Variants in METTL15 observed in about 807,000 individuals in gnomAD.
METTL15 encodes methyltransferase 15, mitochondrial 12S rRNA N4-cytidine, also known as 12S rRNA N(4)-cytidine methyltransferase METTL15.
In METTL15, 34 loss-of-function variants were observed where a neutral mutation model predicts 38.3. The ratio of observed to expected loss-of-function variants is 0.89; its 90% CI spans 0.68 to 1.18. The LOEUF (loss-of-function observed/expected upper bound fraction) is 1.18, where lower values mean the gene tolerates loss of function less well. Ranked by LOEUF, METTL15 falls within the 50% of genes most tolerant of loss-of-function variation. The pLI is 0.00. For synonymous variants in METTL15, 162 were observed against 170.9 expected (o/e 0.95, Z 0.41); for missense variants, 438 against 498.4 (o/e 0.88, Z 1.15).
At chr11:28,175,648 A>G (rs1454986132) in intron 3 of METTL15, among the ~76,000 whole-genome samples, 3 of 152,172 alleles carry the variant, frequency 2.0e-5, no homozygotes, top group Non-Finnish European at 4.4e-5. Context: ...TGGTATGAGC[A>G]CATAATTTGC....
At chr11:28,498,910 C>T (rs1410858978) in intron 6 of METTL15, among the ~76,000 whole-genome samples, 2 of 152,062 alleles carry the variant, frequency 1.3e-5, no homozygotes, top group African/African-American at 2.4e-5. Context: ...GCTTTTGTAT[C>T]CCAGATTATA....
chr11:28,224,998 G>T (rs1565182517), intron 4 of METTL15, among the ~76,000 whole-genome samples: 1 of 151,042 alleles, frequency 6.6e-6, no homozygotes, highest in African/African-American at 2.4e-5. Flanking sequence ...ACTGACTTTA[G>T]TATTTTTTAA....
intron 3 of METTL15, among the ~76,000 whole-genome samples, chr11:28,194,587 G>A (rs957750167): frequency 1.3e-5 from 2 of 151,840 alleles, no homozygotes; most frequent in African/African-American, 4.8e-5. Context: ...TAACTTCATA[G>A]AAGACAAATA....
At chr11:28,327,912 G>C in intron 6 of METTL15, 1 of 475,676 alleles carries the variant, frequency 2.1e-6, no homozygotes, top group Non-Finnish European at 3.6e-6. Context: ...GCATTAAAAT[G>C]TCAATAAAGT....
intron 6 of METTL15, among the ~76,000 whole-genome samples, chr11:28,498,186 G>C (rs1851552035): frequency 1.3e-5 from 2 of 152,008 alleles, no homozygotes; most frequent in African/African-American, 4.8e-5. Flanking sequence ...ATGAATTCCG[G>C]GGGCATTTCA....
chr11:28,328,030 T>A, intron 6 of METTL15: 1 of 1,521,290 alleles, frequency 6.6e-7, no homozygotes, highest in Non-Finnish European at 9.0e-7. Context: ...TCTTATTGAT[T>A]TATGTGCTCC....
chr11:28,380,941 C>T (rs952403025), intron 5 of METTL15, among the ~76,000 whole-genome samples: 1 of 151,876 alleles, frequency 6.6e-6, no homozygotes, highest in Non-Finnish European at 1.5e-5. Context: ...TGGATTCCAT[C>T]ATATCTCATT....
chr11:28,281,446 T>A (rs1378525238), intron 4 of METTL15, among the ~76,000 whole-genome samples: 2 of 152,198 alleles, frequency 1.3e-5, no homozygotes, highest in Admixed American at 1.3e-4. Flanking sequence ...GTGGAATACC[T>A]GCTCCAATGT....
chr11:28,329,908 A>G (rs1480262729), intron 6 of METTL15, among the ~76,000 whole-genome samples: 1 of 152,142 alleles, frequency 6.6e-6, no homozygotes, highest in Non-Finnish European at 1.5e-5. Flanking sequence ...TCTGGCCTCC[A>G]GTGTGCTCAT....
intron 5 of METTL15, among the ~76,000 whole-genome samples, chr11:28,377,021 A>C (rs1418173721): frequency 7.8e-6 from 1 of 128,600 alleles, no homozygotes; most frequent in African/African-American, 2.7e-5. Context: ...GTTTCTGCCG[A>C]GAGATCCGCT....
intron 4 of METTL15, among the ~76,000 whole-genome samples, chr11:28,359,309 A>T (rs1049595550): frequency 2.0e-5 from 3 of 152,184 alleles, no homozygotes; most frequent in Non-Finnish European, 4.4e-5. Context: ...TGTATGTACC[A>T]TGTTTTCTTT....
intron 6 of METTL15, among the ~76,000 whole-genome samples, chr11:28,307,553 A>G (rs1857124797): frequency 6.6e-6 from 1 of 151,998 alleles, no homozygotes; most frequent in Non-Finnish European, 1.5e-5. Context: ...AGAAAATGTA[A>G]TAATTGTCTT....
chr11:28,429,547 C>G (rs1173889603), intron 6 of METTL15, among the ~76,000 whole-genome samples: 46 of 103,602 alleles, frequency 4.4e-4, no homozygotes, highest in African/African-American at 1.7e-3. Flanking sequence ...TTGGTGGAGA[C>G]GGGGTTTCGC....
rs146603270 is a variant in METTL15, at chr11:28,276,392, G to A, written c.408-13814G>A. Among the ~76,000 whole-genome samples, 40 of 151,968 alleles carry A rather than the reference G, an allele frequency of 2.6e-4. No individual in the cohort carries two copies. The East Asian group carries it at 6.4e-3, about 24-fold the overall frequency. Reference sequence around the variant, plus strand: ...TTAGGAATAAATTTAACCAAGGAGCGGAAAGATCTCTATAAGAAAAACTAC... The same window carrying A: ...TTAGGAATAAATTTAACCAAGGAGCAGAAAGATCTCTATAAGAAAAACTAC... On this transcript the variant is annotated intron_variant, in intron 4 of 6. Coordinates refer to ENST00000407364, the MANE Select transcript of METTL15 (RefSeq NM_001113528.2).
chr11:28,287,483 C>T lies in METTL15; in HGVS notation c.408-2723C>T, dbSNP rs182355671. 4.2e-4 allele frequency: 169 copies of T among 399,468 alleles called. 1 individual carries two copies. Among genetic ancestry groups the T allele is most frequent in the African/African-American group, 2.2e-3 (103 of 46,838 alleles). The allele number at this position is 399,468 out of a possible 1,614,324, so 24.7% of individuals were successfully genotyped here. On this transcript the variant is annotated intron_variant, in intron 4 of 6. Coordinates refer to ENST00000407364, the MANE Select transcript of METTL15 (RefSeq NM_001113528.2). ...ATGTGATCATCAGTGATTTCAGATT[C>T]GCCCATGTAATCATGCTGCATCATC...
intron 4 of METTL15, among the ~76,000 whole-genome samples, chr11:28,215,488 T>C (rs1430130959): frequency 6.6e-6 from 1 of 151,920 alleles, no homozygotes; most frequent in African/African-American, 2.4e-5. Context: ...GAAGGTAACT[T>C]TGCTTCTAAG....
intron 4 of METTL15, among the ~76,000 whole-genome samples, chr11:28,360,603 T>C (rs1850128340): frequency 6.6e-6 from 1 of 152,112 alleles, no homozygotes; most frequent in African/African-American, 2.4e-5. Context: ...AGAGGCTCTC[T>C]AGAATCTAGG....
chr11:28,327,112 G>A (rs1191590173), intron 6 of METTL15, among the ~76,000 whole-genome samples: 1 of 152,122 alleles, frequency 6.6e-6, no homozygotes, highest in Non-Finnish European at 1.5e-5. Flanking sequence ...TGATCCCCCA[G>A]AGAAGTACCA....
chr11:28,285,075 C>T (rs762716658), intron 4 of METTL15, among the ~76,000 whole-genome samples: 2 of 152,118 alleles, frequency 1.3e-5, no homozygotes, highest in Non-Finnish European at 2.9e-5. Flanking sequence ...CAGGCTTGCA[C>T]TTACTCCGTC....
Sources: gnomAD v4.1 joint callset for allele counts (sites outside exome capture counted in the v4.1 genomes callset) on GRCh38, gnomAD v4.1.1 for gene constraint, MANE v1.5 for transcripts, NCBI Gene and HGNC (gene_info 2026-07-23, HGNC 2026-07-21) for gene names.